Variants in CALML4 observed in about 807,000 individuals in gnomAD.
CALML4 encodes calmodulin like 4.
In CALML4, 16 loss-of-function variants were observed where a neutral mutation model predicts 17.9. The ratio of observed to expected loss-of-function variants is 0.89; its 90% confidence interval spans 0.61 to 1.36. CALML4 has a LOEUF of 1.36. Ranked by LOEUF, CALML4 falls within the 40% of genes most tolerant of loss-of-function variation. CALML4 has a pLI of 0.00. For missense variants in CALML4, 203 were observed against 194.8 expected (o/e 1.04, Z -0.25); for synonymous variants, 86 against 71.5 (o/e 1.20, Z -1.02).
In CALML4 at chr15:68,200,423, G is replaced by A. The variant is rs534451032; in HGVS notation, c.35-742C>T. 6.6e-6 allele frequency among the ~76,000 whole-genome samples: 1 copy of A among 152,248 alleles called. No individual in the cohort carries two copies. Among genetic ancestry groups the A allele is most frequent in the African/African-American group, 2.4e-5 (1 of 41,540 alleles). Reference sequence around the variant, plus strand: ...AGGGTCTGAAGCCCTTTCTCCTTCGGTACTTGGTGGAGGTGGAAGGCAGCC... The same window carrying A: ...AGGGTCTGAAGCCCTTTCTCCTTCGATACTTGGTGGAGGTGGAAGGCAGCC... On this transcript the variant is annotated intron_variant, in intron 2 of 4. Coordinates refer to ENST00000467889, the MANE Select transcript of CALML4 (RefSeq NM_033429.3). The surrounding 1 kb of genome is among the most constrained non-coding windows in gnomAD (Gnocchi z 4.3).
rs7498094 is a variant in CALML4, at chr15:68,193,759, C to T, written c.*256G>A. ...ACTGGAACCCAGGCCAGACTCCAAA[C>T]CGCAGGCTCCTTCCATGCTTGAAAG... On this transcript the variant is annotated 3_prime_UTR_variant, in exon 5 of 5. Coordinates refer to ENST00000467889, the MANE Select transcript of CALML4 (RefSeq NM_033429.3). 0.5 allele frequency: 187,055 copies of T among 373,000 alleles called. 48,002 individuals are homozygous for T. Among genetic ancestry groups the T allele is most frequent in the Admixed American group, 0.63 (15,534 of 24,632 alleles). 23.1% of individuals were successfully genotyped at this position (373,000 alleles called of 1,614,324 possible). A position where few individuals can be genotyped will look rare whatever the true frequency, so the allele number is the denominator to read the frequency against.
At chr15:68,205,525 A>G, upstream of CALML4, 1 of 932,318 alleles carries the variant, frequency 1.1e-6, no homozygotes, top group Non-Finnish European at 1.6e-6. The surrounding 1 kb of genome is among the most constrained non-coding windows in gnomAD (Gnocchi z 4.8). Flanking sequence ...AAGCCGAAGC[A>G]AAGGGACAAA....
chr15:68,203,416 C>T (rs11071987), intron 2 of CALML4, among the ~76,000 whole-genome samples: 88,303 of 152,130 alleles, frequency 0.58, 26,535 homozygotes, highest in African/African-American at 0.71. Flanking sequence ...TTTTACCAAA[C>T]ACATTCATTA....
chr15:68,196,525 C>G (rs781236513), intron 4 of CALML4, among the ~76,000 whole-genome samples: 2 of 152,224 alleles, frequency 1.3e-5, no homozygotes, highest in Non-Finnish European at 2.9e-5. Context: ...AAGCCCAGCT[C>G]TCCTGTCCAA....
chr15:68,205,732 CGGGGCTCGCAGGCTT>C (rs1430614149), upstream of CALML4: 1 of 272,714 alleles, frequency 3.7e-6, no homozygotes, highest in East Asian at 8.3e-5. This position sits in a 1 kb window ranked among gnomAD's most constrained non-coding sequence, Gnocchi z 4.8. Flanking sequence ...AGATGGGCAC[CGGGGCTCGCAGGCTT>C]GGGGCTCGGT....
In CALML4 at chr15:68,192,986, A is replaced by G. The variant is rs2093127206; in HGVS notation, c.*1029T>C. On this transcript the variant is annotated 3_prime_UTR_variant, in exon 5 of 5. Coordinates refer to ENST00000467889, the MANE Select transcript of CALML4 (RefSeq NM_033429.3). ...CCAACCTGGCACCTTCTAGCTGTGTAACTCACTCAAAGCCACTCCAGCTGG... is the reference window on the plus strand; with the variant it reads ...CCAACCTGGCACCTTCTAGCTGTGTGACTCACTCAAAGCCACTCCAGCTGG... The G allele has an allele frequency of 6.6e-6, 1 of 152,264 alleles. No homozygotes were observed. The highest frequency in any genetic ancestry group is 2.1e-4 in the South Asian group (1 of 4,824). 9.4% of individuals were successfully genotyped at this position (152,264 alleles called of 1,614,324 possible).
At position 68,197,684 on chromosome 15, in the gene CALML4, C is replaced by A. The variant is rs2093150716; in HGVS notation, c.176-56G>T. On this transcript the variant is annotated intron_variant, in intron 3 of 4. Transcript: ENST00000467889. This position sits in a 1 kb window ranked among gnomAD's most constrained non-coding sequence, Gnocchi z 4.1. ...CAGAGGGAAAAAGACTCCTAGGAAG[C>A]CAGCTGGCCTCCTGCTGGACCTGCA... 1.9e-6 allele frequency: 3 copies of A among 1,545,086 alleles called. No individual in the cohort carries two copies. In the East Asian group the frequency reaches 6.8e-5, roughly 35 times the overall value.
In CALML4 at chr15:68,197,855, A is replaced by C; in HGVS notation, c.176-227T>G. 1 of 515,876 alleles carries C rather than the reference A, an allele frequency of 1.9e-6. No individual in the cohort carries two copies. The highest frequency in any genetic ancestry group is 3.5e-6 in the Non-Finnish European group (1 of 288,258). The allele number at this position is 515,876 out of a possible 1,614,324, so 32.0% of individuals were successfully genotyped here. On this transcript the variant is annotated intron_variant, in intron 3 of 4. Transcript: ENST00000467889. This position sits in a 1 kb window ranked among gnomAD's most constrained non-coding sequence, Gnocchi z 4.1. Reference sequence around the variant, plus strand: ...CATTTCAGCAACGTCCTCAGTGACGATGCTTATCATCACCCCAAAGCTCAA... The same window carrying C: ...CATTTCAGCAACGTCCTCAGTGACGCTGCTTATCATCACCCCAAAGCTCAA...
upstream of CALML4, chr15:68,206,077 TCTTC>T (rs2093183335): frequency 6.6e-6 from 1 of 152,334 alleles, no homozygotes; most frequent in Non-Finnish European, 1.5e-5. Context: ...GCTCCCCTTT[TCTTC>T]CTTCCCTTCC....
At chr15:68,199,487 T>C in intron 3 of CALML4, 54 bp downstream of exon 3, 2 of 1,566,888 alleles carry the variant, frequency 1.3e-6, no homozygotes, top group Non-Finnish European at 1.7e-6. Context: ...CTCTACTGTC[T>C]GCACCCACCT....
In CALML4 at chr15:68,197,567, T is replaced by TTGTTTTATTTGCATGTGCATAA. The variant is rs772037292; in HGVS notation, c.215_236dup (p.Gln79HisfsTer53). 6.2e-7 allele frequency: 1 copy of TTGTTTTATTTGCATGTGCATAA among 1,614,156 alleles called. No individual in the cohort carries two copies. Among genetic ancestry groups the TTGTTTTATTTGCATGTGCATAA allele is most frequent in the Non-Finnish European group, 8.5e-7 (1 of 1,179,998 alleles). On this transcript the variant is annotated frameshift_variant, in exon 4 of 5. Transcript: ENST00000467889. LOFTEE classifies it high-confidence loss of function. The surrounding 1 kb of genome is among the most constrained non-coding windows in gnomAD (Gnocchi z 4.1). Reference sequence around the variant, plus strand: ...GAAGAATTTCTTTCTTTGGGTCTTCTTGTTTTATTTGCATGTGCATAATGG... The same window carrying TTGTTTTATTTGCATGTGCATAA: ...GAAGAATTTCTTTCTTTGGGTCTTCTTGTTTTATTTGCATGTGCATAATGTTTTATTTGCATGTGCATAATGG...
At chr15:68,195,196 T>C (rs1252235374) in intron 4 of CALML4, among the ~76,000 whole-genome samples, 4 of 152,206 alleles carry the variant, frequency 2.6e-5, no homozygotes, top group South Asian at 2.1e-4. Context: ...CATGGCTCTT[T>C]AGCCTGTCCT....
chr15:68,197,323 C>G lies in CALML4; in HGVS notation c.364+117G>C, dbSNP rs538653218. On this transcript the variant is annotated intron_variant, in intron 4 of 4. Transcript: ENST00000467889. The surrounding 1 kb of genome is among the most constrained non-coding windows in gnomAD (Gnocchi z 4.1). ...TGTGGCATCTGCTCACAGTCTCCTG[C>G]GCGCGCATCAACAGAGGTGGTCTGT... 1 of 904,448 alleles carries G rather than the reference C, an allele frequency of 1.1e-6. No individual in the cohort carries two copies. Among genetic ancestry groups the G allele is most frequent in the Non-Finnish European group, 1.7e-6 (1 of 588,190 alleles). 56.0% of individuals were successfully genotyped at this position (904,448 alleles called of 1,614,324 possible).
At chr15:68,201,328 C>T (rs890486338) in intron 2 of CALML4, among the ~76,000 whole-genome samples, 27 of 152,148 alleles carry the variant, frequency 1.8e-4, no homozygotes, top group African/African-American at 6.5e-4. Flanking sequence ...GGTTTAGTTC[C>T]CATAAAACCC....
At position 68,196,074 on chromosome 15, in the gene CALML4, A is replaced by G. The variant is rs372754053; in HGVS notation, c.364+1366T>C. Among the ~76,000 whole-genome samples, 16 of 152,282 alleles carry G rather than the reference A, an allele frequency of 1.1e-4. No individual in the cohort carries two copies. The East Asian group carries it at 2.5e-3, about 24-fold the overall frequency. On this transcript the variant is annotated intron_variant, in intron 4 of 4. Transcript: ENST00000467889. ...GGCGATTATTTATTTATGGAGATAA[A>G]GTCTCATTCTGTCACCCAAGCTGGA... is the stretch of plus-strand genomic sequence containing the variant.
In CALML4 at chr15:68,197,489, G is replaced by C. The variant is rs769901641; in HGVS notation, c.315C>G (p.Asp105Glu). Residue 105 changes from aspartate (D) to glutamate (E), a missense_variant, in exon 4 of 5, where the codon GAC becomes GAG. By Grantham distance (45) the Asp-to-Glu change is conservative. Transcript: ENST00000467889. This position sits in a 1 kb window ranked among gnomAD's most constrained non-coding sequence, Gnocchi z 4.1. ...CCAGACTCGTGAGTTTTGACCGCAG[G>C]TCGGACGCCATGACGTAACCTTTCT... The part of the protein sequence containing the change: ...KEKKGYVMAS[D>E]LRSKLTSLGE... 11 of 1,614,010 alleles carry C rather than the reference G, an allele frequency of 6.8e-6. No homozygotes were observed. The South Asian group carries it at 1.1e-4, about 16-fold the overall frequency.
intron 2 of CALML4, among the ~76,000 whole-genome samples, chr15:68,203,023 C>T (rs780028498): frequency 6.6e-6 from 1 of 152,104 alleles, no homozygotes; most frequent in Non-Finnish European, 1.5e-5. Context: ...CCATGTTGGC[C>T]AGGCTGGTCT....
intron 4 of CALML4, among the ~76,000 whole-genome samples, chr15:68,195,018 A>G (rs1434269122): frequency 6.6e-6 from 1 of 151,614 alleles, no homozygotes; most frequent in East Asian, 1.9e-4. Flanking sequence ...AGTATACAAA[A>G]CAAAACTGCC....
chr15:68,205,419 T>C (rs765015496), upstream of CALML4: 7 of 1,611,424 alleles, frequency 4.3e-6, no homozygotes, highest in African/African-American at 1.3e-5. The surrounding 1 kb of genome is among the most constrained non-coding windows in gnomAD (Gnocchi z 4.8). Flanking sequence ...TCCAGCTTCC[T>C]GAGCACAGCT....
Sources: gnomAD v4.1 joint callset for allele counts (sites outside exome capture counted in the v4.1 genomes callset) on GRCh38, gnomAD v4.1.1 for gene constraint, Gnocchi (gnomAD v3.1) non-coding constraint, MANE v1.5 for transcripts, NCBI Gene and HGNC (gene_info 2026-07-23, HGNC 2026-07-21) for gene names.